Variants in SNRNP40 observed in about 807,000 individuals in gnomAD.
The protein encoded by SNRNP40 is small nuclear ribonucleoprotein U5 subunit 40.
A neutral mutation model predicts 45.8 loss-of-function variants in SNRNP40; 21 were observed. The ratio of observed to expected loss-of-function variants is 0.46; its 90% CI spans 0.32 to 0.66. SNRNP40 has a LOEUF of 0.66. Among genes scored for constraint, SNRNP40 ranks in the 30% least tolerant of loss-of-function variants. The pLI, the probability that SNRNP40 is intolerant of heterozygous loss-of-function variation, is 0.03. For synonymous variants in SNRNP40, 142 were observed against 163.8 expected (o/e 0.87, Z 1.01); for missense variants, 344 against 439.1 (o/e 0.78, Z 1.94).
In SNRNP40 at chr1:31,259,640, A is replaced by G. The variant is rs865882561; in HGVS notation, c.*432T>C. On this transcript the variant is annotated 3_prime_UTR_variant, in exon 10 of 10. Transcript: ENST00000263694. ...CTGATTTATAGCAATCAAGCCTCAA[A>G]AAAAAGACAGCAATAAATCCAATCC... 2.5e-6 allele frequency: 1 copy of G among 402,516 alleles called. No individual in the cohort carries two copies. Among genetic ancestry groups the G allele is most frequent in the East Asian group, 7.1e-5 (1 of 14,102 alleles). 24.9% of individuals were successfully genotyped at this position (402,516 alleles called of 1,614,324 possible).
At chr1:31,260,423 T>C (rs1263339745) in intron 9 of SNRNP40, among the ~76,000 whole-genome samples, 2 of 152,120 alleles carry the variant, frequency 1.3e-5, no homozygotes, top group East Asian at 3.9e-4. Context: ...AATCTATGGC[T>C]GTGCCAGTCA....
chr1:31,278,315 C>G (rs1645990430), intron 5 of SNRNP40, among the ~76,000 whole-genome samples: 1 of 152,142 alleles, frequency 6.6e-6, no homozygotes, highest in South Asian at 2.1e-4. Flanking sequence ...TTTACTAGCA[C>G]AAGAGTATTA....
chr1:31,271,100 T>G (rs1260112668), intron 6 of SNRNP40: 6 of 265,322 alleles, frequency 2.3e-5, no homozygotes, highest in Non-Finnish European at 3.5e-5. Flanking sequence ...CTAGAGTTTC[T>G]AATATCCTGT....
At chr1:31,291,629 T>C (rs1326874725) in intron 3 of SNRNP40, among the ~76,000 whole-genome samples, 2 of 152,004 alleles carry the variant, frequency 1.3e-5, no homozygotes, top group Non-Finnish European at 2.9e-5. Flanking sequence ...GTGAGCCATG[T>C]TTGTGTCACT....
At chr1:31,278,908 T>G (rs1209519811) in intron 5 of SNRNP40, among the ~76,000 whole-genome samples, 1 of 151,876 alleles carries the variant, frequency 6.6e-6, no homozygotes, top group Non-Finnish European at 1.5e-5. Context: ...ACAGACAGAG[T>G]AGCTCATAAT....
In SNRNP40 at chr1:31,293,258, C is replaced by T. The variant is rs1384806879; in HGVS notation, c.232G>A (p.Gly78Arg). 17 of 1,613,904 alleles carry T rather than the reference C, an allele frequency of 1.1e-5. No homozygotes were observed. Among genetic ancestry groups the T allele is most frequent in the South Asian group, 3.3e-5 (3 of 91,068 alleles). ...AATCCTGCAGATGCTAAGGTGGATC[C>T]GTTGGGGTGGAACTTGCAGCAGTAG... ...EVYCCKFHPNGSTLASAGFDR... is the reference protein window; with the variant it reads ...EVYCCKFHPNRSTLASAGFDR... The change falls in exon 2 of 10, where the codon GGA (glycine) becomes AGA (arginine). Residue 78 changes from glycine (G) to arginine (R), a missense_variant. By Grantham distance (125) the Gly-to-Arg change is moderately radical. Around this residue, in one of 2 missense-constraint regions of SNRNP40, gnomAD observed 254 missense variants for 380.2 expected, o/e 0.67. Coordinates refer to ENST00000263694, the MANE Select transcript of SNRNP40 (RefSeq NM_004814.3).
In SNRNP40 at chr1:31,271,408, T is replaced by G; in HGVS notation, c.746A>C (p.Tyr249Ser). ...TGLSLSSEGS[Y>S]LLSNAMDNTV... is the part of the protein sequence containing the mutation. ...ATTGTCCATTGCATTGGACAAAAGATAAGAGCCTTCAGAACTTAAACTCAG... is the reference window on the plus strand; with the variant it reads ...ATTGTCCATTGCATTGGACAAAAGAGAAGAGCCTTCAGAACTTAAACTCAG... The change falls in exon 6 of 10, where the codon TAT becomes TCT. Residue 249 changes from tyrosine to serine, a missense_variant. Coordinates refer to ENST00000263694, the MANE Select transcript of SNRNP40 (RefSeq NM_004814.3). 1 of 1,614,004 alleles carries G rather than the reference T, an allele frequency of 6.2e-7. No individual in the cohort carries two copies. The highest frequency in any genetic ancestry group is 8.5e-7 in the Non-Finnish European group (1 of 1,179,968).
At chr1:31,275,077 G>T (rs1645965825) in intron 5 of SNRNP40, among the ~76,000 whole-genome samples, 2 of 152,254 alleles carry the variant, frequency 1.3e-5, no homozygotes, top group East Asian at 1.9e-4. Context: ...TTGACTAGAG[G>T]TAACAAGACA....
intron 6 of SNRNP40, chr1:31,269,455 G>C (rs756124005): frequency 3.0e-5 from 35 of 1,175,250 alleles, no homozygotes; most frequent in Non-Finnish European, 3.6e-5. Flanking sequence ...CTAGCTGAGG[G>C]GGCAGGAAGG....
At chr1:31,283,937 T>TA (rs1456511438) in intron 4 of SNRNP40, among the ~76,000 whole-genome samples, 2 of 151,974 alleles carry the variant, frequency 1.3e-5, no homozygotes, top group African/African-American at 4.8e-5. Context: ...ATAAAATTCT[T>TA]AGAGGGCCAG....
intron 8 of SNRNP40, chr1:31,263,611 A>AT: frequency 1.1e-5 from 5 of 469,084 alleles, no homozygotes; most frequent in South Asian, 7.8e-5. Context: ...AACTGCTGAG[A>AT]TTTTATGAGC....
chr1:31,274,711 C>T (rs948351686), intron 5 of SNRNP40, among the ~76,000 whole-genome samples: 2 of 146,182 alleles, frequency 1.4e-5, no homozygotes, highest in African/African-American at 2.5e-5. Flanking sequence ...TTACAAGAAA[C>T]GCCAGATTGC....
At chr1:31,277,952 C>T (rs1645987822) in intron 5 of SNRNP40, among the ~76,000 whole-genome samples, 1 of 152,226 alleles carries the variant, frequency 6.6e-6, no homozygotes, top group Admixed American at 6.5e-5. Context: ...GCCTTGGCCT[C>T]TCAAAGTGTT....
rs146657285 is a variant in SNRNP40, at chr1:31,266,041, T to C, written c.920+1830A>G. Among the ~76,000 whole-genome samples, 120 of 152,224 alleles carry C rather than the reference T, an allele frequency of 7.9e-4. 4 individuals are homozygous for C. In the East Asian group the frequency reaches 0.02, roughly 26 times the overall value. ...CTCTAAACCACTTGCACTCAAATGA[T>C]CAATGTGACACTTTCACCTGGACCC... On this transcript the variant is annotated intron_variant, in intron 8 of 9. Coordinates refer to ENST00000263694, the MANE Select transcript of SNRNP40 (RefSeq NM_004814.3).
intron 9 of SNRNP40, chr1:31,260,952 T>TA (rs1645854402): frequency 1.8e-6 from 2 of 1,129,842 alleles, no homozygotes; most frequent in African/African-American, 3.4e-5. Flanking sequence ...AAATTAGACT[T>TA]ACCAACTTCC....
intron 8 of SNRNP40, among the ~76,000 whole-genome samples, chr1:31,262,293 G>C (rs766010958): frequency 3.3e-5 from 5 of 151,992 alleles, no homozygotes; most frequent in Non-Finnish European, 4.4e-5. Flanking sequence ...GCCGAGGTGC[G>C]TGGATCGTCT....
chr1:31,271,295 C>T (rs55738946), intron 6 of SNRNP40, 84 bp downstream of exon 6: 14,982 of 1,381,658 alleles, frequency 0.011, 112 homozygotes, highest in Non-Finnish European at 0.014. Context: ...CCCATTACAA[C>T]ACATTCTAAT....
At chr1:31,260,274 C>G (rs1645849369) in intron 9 of SNRNP40, among the ~76,000 whole-genome samples, 153 bp from the exon 10 acceptor site, 1 of 152,140 alleles carries the variant, frequency 6.6e-6, no homozygotes, top group South Asian at 2.1e-4. Flanking sequence ...GAAATTGTAG[C>G]CTGGCTTTTC....
At chr1:31,267,848 A>T (rs1645910283) in intron 8 of SNRNP40, 23 bp downstream of exon 8, 1 of 1,597,474 alleles carries the variant, frequency 6.3e-7, no homozygotes, top group Non-Finnish European at 8.6e-7. Context: ...ATCATTCTTT[A>T]CTTTGCACCC....
Sources: allele counts gnomAD v4.1 joint callset (sites outside exome capture counted in the v4.1 genomes callset), GRCh38; gene constraint gnomAD v4.1.1; regional missense constraint gnomAD v4.1.1; transcripts MANE v1.5; gene names NCBI Gene and HGNC (gene_info 2026-07-23, HGNC 2026-07-21).